RTN3: variants seen among roughly 807,000 people sequenced by gnomAD.
RTN3 encodes reticulon-3.
In RTN3, 49 loss-of-function variants were observed where a neutral mutation model predicts 77.8. The ratio of observed to expected loss-of-function variants is 0.63; its 90% confidence interval spans 0.50 to 0.80. The LOEUF (loss-of-function observed/expected upper bound fraction) is 0.80, where lower values mean the gene tolerates loss of function less well. Among genes scored for constraint, RTN3 ranks in the 30% least tolerant of loss-of-function variants. RTN3 has a pLI of 0.00. For missense variants in RTN3, 1,236 were observed against 1,211.9 expected, an observed-to-expected ratio of 1.02 and a Z score of -0.29; for synonymous variants, 464 against 446.9, an observed-to-expected ratio of 1.04 and a Z score of -0.48.
At chr11:63,711,007 G>A (rs2011147159) in intron 2 of RTN3, among the ~76,000 whole-genome samples, 1 of 152,144 alleles carries the variant, frequency 6.6e-6, no homozygotes, top group African/African-American at 2.4e-5. Flanking sequence ...GGCTGGGTGT[G>A]GTGGCTCACA....
chr11:63,730,716 A>C (rs1380116947), intron 3 of RTN3, among the ~76,000 whole-genome samples: 1 of 152,168 alleles, frequency 6.6e-6, no homozygotes, highest in Non-Finnish European at 1.5e-5. Context: ...GCTACTCAGG[A>C]GGCTGAGGCG....
intron 1 of RTN3, among the ~76,000 whole-genome samples, chr11:63,684,129 G>GTTTT (rs61663789): frequency 1.3e-4 from 11 of 85,252 alleles, no homozygotes; most frequent in African/African-American, 5.2e-4. Context: ...TTTTCTTTTG[G>GTTTT]TTTTTTTTTT....
chr11:63,702,128 A>G (rs1942265166), intron 1 of RTN3, among the ~76,000 whole-genome samples: 1 of 152,176 alleles, frequency 6.6e-6, no homozygotes. Context: ...TTGTGAAAAT[A>G]TTTTTATAAT....
rs748599272 is a variant in RTN3 at position 63,719,211 on chromosome 11, G to T, written c.709G>T (p.Asp237Tyr). Residue 237 changes from aspartate (D) to tyrosine (Y), a missense_variant, in exon 3 of 9, where the codon GAT becomes TAT. Around this residue, in one of 3 missense-constraint regions of RTN3, gnomAD observed 1,056 missense variants for 990.4 expected, o/e 1.07. Transcript: ENST00000377819. ...GTCTCCATCCAAAGTTTCAGGAGAT[G>T]ATGTTATTGAAAAGGATTCCCCTGA... ...SLSPSKVSGDDVIEKDSPESP... is the reference protein window; with the variant it reads ...SLSPSKVSGDYVIEKDSPESP... 6.2e-7 allele frequency: 1 copy of T among 1,614,148 alleles called. No homozygotes were observed. Among genetic ancestry groups the T allele is most frequent in the Non-Finnish European group, 8.5e-7 (1 of 1,180,008 alleles).
chr11:63,722,877 T>C (rs2134920393), intron 3 of RTN3, among the ~76,000 whole-genome samples: 1 of 152,346 alleles, frequency 6.6e-6, no homozygotes, highest in Non-Finnish European at 1.5e-5. Flanking sequence ...ATTCTAGATT[T>C]CTTCCTCAGT....
chr11:63,682,843 A>T (rs191760382), intron 1 of RTN3, among the ~76,000 whole-genome samples: 2 of 150,930 alleles, frequency 1.3e-5, no homozygotes, highest in African/African-American at 2.4e-5. Flanking sequence ...TTAAGGGGGG[A>T]AAAAAAAACC....
At chr11:63,725,974 G>GAGTTACCAAAC (rs2012233730) in intron 3 of RTN3, among the ~76,000 whole-genome samples, 1 of 152,046 alleles carries the variant, frequency 6.6e-6, no homozygotes, top group South Asian at 2.1e-4. Flanking sequence ...GGAATGAAAA[G>GAGTTACCAAAC]AGTTACCAAA....
Position 63,759,499 on chromosome 11 carries a change from C to CCAT in RTN3, c.*1300_*1302dup, listed in dbSNP as rs1423862429. 2 of 152,614 alleles carry CCAT rather than the reference C, an allele frequency of 1.3e-5. No homozygotes were observed. Among genetic ancestry groups the CCAT allele is most frequent in the Non-Finnish European group, 2.9e-5 (2 of 68,036 alleles). 9.5% of individuals were successfully genotyped at this position (152,614 alleles called of 1,614,324 possible). On this transcript the variant is annotated 3_prime_UTR_variant, in exon 9 of 9. Transcript: ENST00000377819. ...GGGTAAAAGGTACCCTTGCCTTACT[C>CCAT]CATCTTATTTTCTTAGCCCCCTTTG...
intron 3 of RTN3, among the ~76,000 whole-genome samples, chr11:63,745,360 A>G (rs2013732641): frequency 6.6e-6 from 1 of 152,218 alleles, no homozygotes; most frequent in Non-Finnish European, 1.5e-5. Flanking sequence ...AACTGTGAAG[A>G]GCCTGCTACA....
intron 3 of RTN3, among the ~76,000 whole-genome samples, chr11:63,744,807 C>T (rs991649863): frequency 3.9e-5 from 6 of 152,156 alleles, no homozygotes; most frequent in Non-Finnish European, 7.4e-5. Context: ...ACATGGGCAA[C>T]ATGACAAAAC....
chr11:63,683,943 CTTTTTTTTTTT>C (rs35837590), intron 1 of RTN3, among the ~76,000 whole-genome samples: 1,154 of 58,928 alleles, frequency 0.02, 37 homozygotes, highest in African/African-American at 0.078. Context: ...TCTTTTCTTT[CTTTTTTTTTTT>C]TTTTTTTTTT....
At chr11:63,707,191 G>A (rs919203349) in intron 2 of RTN3, among the ~76,000 whole-genome samples, 1 of 152,030 alleles carries the variant, frequency 6.6e-6, no homozygotes. Flanking sequence ...GAGTCACGTC[G>A]CCAGGCCAAG....
At chr11:63,738,056 A>G (rs2013245375) in intron 3 of RTN3, among the ~76,000 whole-genome samples, 1 of 152,236 alleles carries the variant, frequency 6.6e-6, no homozygotes, top group African/African-American at 2.4e-5. Flanking sequence ...TCTCTTTTGC[A>G]ACTCAAAAGT....
chr11:63,698,490 T>A (rs528428531), intron 1 of RTN3: 9 of 152,566 alleles, frequency 5.9e-5, no homozygotes, highest in Admixed American at 2.0e-4. Flanking sequence ...TAAAGCATTC[T>A]CCAAATGGCA....
chr11:63,734,734 A>AACACACACACACACACACAC (rs754454322), intron 3 of RTN3, among the ~76,000 whole-genome samples: 14 of 81,226 alleles, frequency 1.7e-4, no homozygotes, highest in East Asian at 5.0e-4. Flanking sequence ...TCTGTCTCAA[A>AACACACACACACACACACAC]ACACACACAC....
At chr11:63,746,554 G>C (rs1290496210) in intron 3 of RTN3, among the ~76,000 whole-genome samples, 1 of 149,440 alleles carries the variant, frequency 6.7e-6, no homozygotes, top group East Asian at 2.0e-4. Context: ...TCGCTCTGTT[G>C]CCCAAGCTAG....
At position 63,720,860 on chromosome 11, in the gene RTN3, A is replaced by G. The variant is rs374498816; in HGVS notation, c.2358A>G (p.Pro786=). ...TCACATTTGCTCCAGAATCTTGGCC[A>G]CAGAGATCATATGACATCCTAGAAC... ...QTFTFAPESW[P]QRSYDILERN... Residue 786 remains proline (P), a synonymous_variant, in exon 3 of 9, where the codon CCA becomes CCG. Coordinates refer to ENST00000377819, the MANE Select transcript of RTN3 (RefSeq NM_001265589.2). The G allele has an allele frequency of 5.6e-5, 90 of 1,613,960 alleles. No individual in the cohort carries two copies. Among genetic ancestry groups the G allele is most frequent in the South Asian group, 3.6e-4 (33 of 91,090 alleles).
chr11:63,752,411 G>A, intron 4 of RTN3, 96 bp from the exon 5 acceptor site: 1 of 1,196,432 alleles, frequency 8.4e-7, no homozygotes, highest in Non-Finnish European at 1.2e-6. Flanking sequence ...GTTCTAACAT[G>A]CACCCTGGGA....
At chr11:63,728,712 A>C (rs2012454773) in intron 3 of RTN3, among the ~76,000 whole-genome samples, 1 of 151,994 alleles carries the variant, frequency 6.6e-6, no homozygotes, top group South Asian at 2.1e-4. Context: ...ACATGGTAAA[A>C]CCCCATCTCT....
Sources: gnomAD v4.1 joint callset for allele counts (sites outside exome capture counted in the v4.1 genomes callset) on GRCh38, gnomAD v4.1.1 for gene constraint, gnomAD v4.1.1 regional missense constraint, MANE v1.5 for transcripts, NCBI Gene and HGNC (gene_info 2026-07-23, HGNC 2026-07-21) for gene names.